Variants in SLC24A2 observed in about 807,000 individuals in gnomAD.
SLC24A2 encodes the protein sodium/potassium/calcium exchanger 2.
In SLC24A2, 36 loss-of-function variants were observed where a neutral mutation model predicts 62.0. That is an observed-to-expected ratio of 0.58 (90% CI 0.44 to 0.77). The LOEUF is 0.77. SLC24A2 is among the 30% of genes least tolerant of loss of function. The pLI, the probability that SLC24A2 is intolerant of heterozygous loss-of-function variation, is 0.00. For synonymous variants in SLC24A2, 358 were observed against 294.0 expected (o/e 1.22, Z -2.23); for missense variants, 846 against 817.9 (o/e 1.03, Z -0.42).
At chr9:19,706,493 C>T (rs1277399526) in intron 2 of SLC24A2, among the ~76,000 whole-genome samples, 49 of 151,718 alleles carry the variant, frequency 3.2e-4, no homozygotes, top group Non-Finnish European at 7.4e-5. Flanking sequence ...CATTCTCCTG[C>T]CTCAGCCTCC....
chr9:20,143,223 G>A, the SLC24A2 span, among the ~76,000 whole-genome samples: 1 of 152,192 alleles, frequency 6.6e-6, no homozygotes, highest in Non-Finnish European at 1.5e-5. Flanking sequence ...TATTTGTCCA[G>A]TGGCTGGAAT....
At chr9:19,949,778 C>A in the SLC24A2 span, among the ~76,000 whole-genome samples, 3 of 152,194 alleles carry the variant, frequency 2.0e-5, no homozygotes, top group Non-Finnish European at 4.4e-5. Flanking sequence ...TGGATTAGAA[C>A]AACACCTAGT....
chr9:19,605,984 G>A (rs187068325), intron 4 of SLC24A2, among the ~76,000 whole-genome samples: 275 of 152,322 alleles, frequency 1.8e-3, no homozygotes, highest in African/African-American at 6.2e-3. Flanking sequence ...CTGATGGGAA[G>A]AGGTCACCAT....
chr9:19,530,552 C>T (rs535685120), intron 8 of SLC24A2, among the ~76,000 whole-genome samples: 28 of 152,270 alleles, frequency 1.8e-4, no homozygotes, highest in African/African-American at 6.0e-4. Context: ...ATCATTTGAA[C>T]ATATTTCTCA....
chr9:20,106,215 C>A, the SLC24A2 span, among the ~76,000 whole-genome samples: 446 of 152,202 alleles, frequency 2.9e-3, 1 homozygote, highest in African/African-American at 0.01. Context: ...AATAGCTTAC[C>A]AACCAAAAAG....
At chr9:19,771,656 C>A (rs1356279001) in intron 2 of SLC24A2, among the ~76,000 whole-genome samples, 3 of 152,128 alleles carry the variant, frequency 2.0e-5, no homozygotes, top group African/African-American at 4.8e-5. Flanking sequence ...TTTCCTGAGC[C>A]CCCTGGAAAC....
At chr9:19,529,685 C>T (rs115976975) in intron 8 of SLC24A2, among the ~76,000 whole-genome samples, 14 of 150,624 alleles carry the variant, frequency 9.3e-5, no homozygotes, top group South Asian at 2.1e-4. Flanking sequence ...GGGACCTAAG[C>T]GCTTTAATGG....
the SLC24A2 span, among the ~76,000 whole-genome samples, chr9:19,965,430 G>C: frequency 6.6e-6 from 1 of 152,154 alleles, no homozygotes; most frequent in Admixed American, 6.5e-5. Context: ...TTGCCAACTA[G>C]TACAGAAATG....
the SLC24A2 span, among the ~76,000 whole-genome samples, chr9:19,963,758 T>C: frequency 1.3e-5 from 2 of 152,092 alleles, no homozygotes; most frequent in African/African-American, 2.4e-5. Flanking sequence ...GGAACACTTT[T>C]ACACTGTTGG....
the SLC24A2 span, among the ~76,000 whole-genome samples, chr9:20,097,192 G>A: frequency 6.6e-6 from 1 of 152,128 alleles, no homozygotes; most frequent in Non-Finnish European, 1.5e-5. Flanking sequence ...CTCTTGCCCA[G>A]TTCATTTTGT....
the SLC24A2 span, among the ~76,000 whole-genome samples, chr9:19,839,753 C>A: frequency 6.6e-6 from 1 of 152,108 alleles, no homozygotes; most frequent in Non-Finnish European, 1.5e-5. Context: ...TAATGAGCTG[C>A]ATAATAATTT....
At chr9:20,215,735 T>G in the SLC24A2 span, among the ~76,000 whole-genome samples, 59 of 151,748 alleles carry the variant, frequency 3.9e-4, 1 homozygote, top group Non-Finnish European at 6.6e-4. Flanking sequence ...CAGCACCTCC[T>G]CTGACCCTTT....
the SLC24A2 span, among the ~76,000 whole-genome samples, chr9:19,948,537 T>A: frequency 6.6e-6 from 1 of 152,136 alleles, no homozygotes; most frequent in South Asian, 2.1e-4. Context: ...CTGGTAGAGA[T>A]TGAAGAATAG....
At chr9:20,222,145 T>C in the SLC24A2 span, among the ~76,000 whole-genome samples, 1 of 151,438 alleles carries the variant, frequency 6.6e-6, no homozygotes, top group South Asian at 2.1e-4. Context: ...TGGTAGAAAA[T>C]GTATGGTTAA....
At chr9:19,645,980 T>C (rs1282927964) in intron 2 of SLC24A2, among the ~76,000 whole-genome samples, 2 of 152,300 alleles carry the variant, frequency 1.3e-5, no homozygotes, top group South Asian at 2.1e-4. Context: ...GGGAAAGGCA[T>C]TGGCCTTTCT....
chr9:19,872,262 A>G, the SLC24A2 span, among the ~76,000 whole-genome samples: 7 of 152,192 alleles, frequency 4.6e-5, no homozygotes, highest in Non-Finnish European at 1.0e-4. Context: ...ATCTCATTCC[A>G]TAGACTGCTA....
chr9:20,108,673 G>A, the SLC24A2 span, among the ~76,000 whole-genome samples: 1 of 145,042 alleles, frequency 6.9e-6, no homozygotes, highest in Non-Finnish European at 1.5e-5. Context: ...ACAGGAAGGG[G>A]AACATCACAC....
intron 2 of SLC24A2, among the ~76,000 whole-genome samples, chr9:19,743,884 G>C (rs1255133414): frequency 6.6e-6 from 1 of 152,114 alleles, no homozygotes; most frequent in African/African-American, 2.4e-5. Flanking sequence ...GTGCAGGTAA[G>C]GAGGATACTT....
chr9:19,877,539 T>A, the SLC24A2 span, among the ~76,000 whole-genome samples: 1 of 151,606 alleles, frequency 6.6e-6, no homozygotes, highest in South Asian at 2.1e-4. Flanking sequence ...TTCCCTAATG[T>A]TTGGAGTGAA....
Sources: gnomAD v4.1 joint callset for allele counts (sites outside exome capture counted in the v4.1 genomes callset) on GRCh38, gnomAD v4.1.1 for gene constraint, MANE v1.5 for transcripts, NCBI Gene and HGNC (gene_info 2026-07-23, HGNC 2026-07-21) for gene names.